The following ACBD6 variants were observed in gnomAD, a reference collection of about 807,000 sequenced individuals.
ACBD6 encodes acyl-CoA binding domain containing 6.
A neutral mutation model predicts 37.2 loss-of-function variants in ACBD6; 28 were observed. The observed-to-expected ratio is 0.75, with a 90% CI of 0.56 to 1.03. The LOEUF is 1.03. Ranked by LOEUF, ACBD6 falls within the 50% of genes least tolerant of loss-of-function variation. ACBD6 has a pLI of 0.00. For synonymous variants in ACBD6, 113 were observed against 126.8 expected (o/e 0.89, Z 0.73); for missense variants, 340 against 337.4 (o/e 1.01, Z -0.06).
At chr1:180,344,928 G>A (rs1397003822) in intron 6 of ACBD6, among the ~76,000 whole-genome samples, 1 of 152,150 alleles carries the variant, frequency 6.6e-6, no homozygotes, top group Non-Finnish European at 1.5e-5. Flanking sequence ...GCATGCTTGT[G>A]TAATTCCTAT....
intron 3 of ACBD6, among the ~76,000 whole-genome samples, chr1:180,442,755 T>C (rs942409334): frequency 6.6e-6 from 1 of 152,216 alleles, no homozygotes; most frequent in Non-Finnish European, 1.5e-5. Flanking sequence ...CTGTTAATCA[T>C]ATCCAGTCTA....
chr1:180,498,046 T>A (rs892253512), intron 1 of ACBD6, among the ~76,000 whole-genome samples: 1 of 152,234 alleles, frequency 6.6e-6, no homozygotes, highest in Admixed American at 6.5e-5. Context: ...TACCAACACA[T>A]AATTTGTAAC....
At chr1:180,303,711 A>C (rs1490140004) in intron 7 of ACBD6, among the ~76,000 whole-genome samples, 1 of 150,902 alleles carries the variant, frequency 6.6e-6, no homozygotes, top group Non-Finnish European at 1.5e-5. Flanking sequence ...TTCTGAAACT[A>C]TTCCAATCAA....
At chr1:180,493,385 C>A (rs950717392) in intron 2 of ACBD6, among the ~76,000 whole-genome samples, 2 of 151,916 alleles carry the variant, frequency 1.3e-5, no homozygotes, top group Non-Finnish European at 2.9e-5. Flanking sequence ...TCATCTACCC[C>A]CCTGCCCCCA....
chr1:180,284,775 T>C (rs1649425470), downstream of ACBD6, among the ~76,000 whole-genome samples: 1 of 152,180 alleles, frequency 6.6e-6, no homozygotes, highest in South Asian at 2.1e-4. Flanking sequence ...TTGTTTTTGC[T>C]TTTGCTTATC....
intron 6 of ACBD6, among the ~76,000 whole-genome samples, chr1:180,378,997 A>T (rs960227551): frequency 6.6e-6 from 1 of 152,130 alleles, no homozygotes; most frequent in Non-Finnish European, 1.5e-5. Flanking sequence ...AGTTACCTGG[A>T]AGCCTACAAG....
intron 3 of ACBD6, among the ~76,000 whole-genome samples, chr1:180,452,774 T>C (rs1649763920): frequency 6.6e-6 from 1 of 152,176 alleles, no homozygotes; most frequent in African/African-American, 2.4e-5. Flanking sequence ...TATCAGAGAA[T>C]ACTATAAACA....
exon 14 of ACBD6, chr1:180,271,583 AG>A: frequency 6.2e-7 from 1 of 1,604,172 alleles, no homozygotes; most frequent in South Asian, 1.1e-5. Context: ...GGCCCGGGAC[AG>A]GGGTGGAAGG....
intron 7 of ACBD6, among the ~76,000 whole-genome samples, chr1:180,296,909 A>G (rs1188801169): frequency 3.9e-5 from 6 of 152,062 alleles, no homozygotes; most frequent in Admixed American, 3.3e-4. Context: ...GGCAGATCAC[A>G]AGGTCAGGAG....
At chr1:180,501,095 G>A (rs138072274) in intron 1 of ACBD6, among the ~76,000 whole-genome samples, 1 of 152,112 alleles carries the variant, frequency 6.6e-6, no homozygotes, top group African/African-American at 2.4e-5. Context: ...ACTGAGTCAG[G>A]AGCTACAATC....
downstream of ACBD6, among the ~76,000 whole-genome samples, chr1:180,283,980 A>T (rs951542191): frequency 6.6e-6 from 1 of 152,210 alleles, no homozygotes; most frequent in African/African-American, 2.4e-5. Context: ...GTCTCCCTGG[A>T]CTAAGAAATA....
At chr1:180,293,758 T>C (rs1290431050) in intron 7 of ACBD6, among the ~76,000 whole-genome samples, 2 of 152,300 alleles carry the variant, frequency 1.3e-5, no homozygotes, top group East Asian at 3.9e-4. Flanking sequence ...TTTTTTAAGA[T>C]GGAGTCAGGC....
intron 3 of ACBD6, among the ~76,000 whole-genome samples, chr1:180,491,540 T>C (rs981753662): frequency 1.3e-5 from 2 of 152,218 alleles, no homozygotes; most frequent in African/African-American, 4.8e-5. Context: ...TATTTTGATA[T>C]GTTTTATCTT....
At chr1:180,297,559 A>C (rs567314480) in intron 7 of ACBD6, among the ~76,000 whole-genome samples, 10 of 152,278 alleles carry the variant, frequency 6.6e-5, no homozygotes, top group Middle Eastern at 6.8e-3. Context: ...GTCACTGCTG[A>C]TTGGCTGAGA....
At chr1:180,317,801 A>G (rs896519409) in intron 6 of ACBD6, among the ~76,000 whole-genome samples, 1 of 152,186 alleles carries the variant, frequency 6.6e-6, no homozygotes, top group African/African-American at 2.4e-5. Context: ...CCAGAATGCA[A>G]GGCATTTCAT....
At chr1:180,444,036 T>C (rs959771374) in intron 3 of ACBD6, among the ~76,000 whole-genome samples, 3 of 151,942 alleles carry the variant, frequency 2.0e-5, no homozygotes, top group Non-Finnish European at 4.4e-5. Flanking sequence ...GGCAAAAGGG[T>C]AAATCTCATC....
chr1:180,333,740 G>C (rs956599242), intron 6 of ACBD6, among the ~76,000 whole-genome samples: 1 of 152,224 alleles, frequency 6.6e-6, no homozygotes, highest in Non-Finnish European at 1.5e-5. Flanking sequence ...GGAAGCGCAA[G>C]GGGTCAGGGA....
At chr1:180,416,919 C>T (rs1389220551) in intron 4 of ACBD6, among the ~76,000 whole-genome samples, 1 of 152,140 alleles carries the variant, frequency 6.6e-6, no homozygotes, top group African/African-American at 2.4e-5. Context: ...GCTTGGAAAT[C>T]TATTTAATAG....
intron 3 of ACBD6, among the ~76,000 whole-genome samples, chr1:180,431,927 C>T (rs1260741728): frequency 6.6e-6 from 1 of 152,002 alleles, no homozygotes; most frequent in East Asian, 1.9e-4. Context: ...CATGACAGGC[C>T]AGGTGCAATG....
Sources: gnomAD v4.1 joint callset for allele counts (sites outside exome capture counted in the v4.1 genomes callset) on GRCh38, gnomAD v4.1.1 for gene constraint, MANE v1.5 for transcripts, NCBI Gene and HGNC (gene_info 2026-07-23, HGNC 2026-07-21) for gene names.